The following SAMD9 variants were observed in gnomAD, a reference collection of about 807,000 sequenced individuals.
SAMD9 encodes sterile alpha motif domain-containing protein 9.
In SAMD9, 3 loss-of-function variants were observed where a neutral mutation model predicts 1.5. The ratio of observed to expected loss-of-function variants is 2.05; its 90% CI spans 0.93 to 5.29. The LOEUF (loss-of-function observed/expected upper bound fraction) is 5.29, where lower values mean the gene tolerates loss of function less well. Ranked by LOEUF, SAMD9 falls within the 30% of genes most tolerant of loss-of-function variation. The pLI is 0.02. For missense variants in SAMD9, 1,597 were observed against 1,820.8 expected (o/e 0.88, Z 2.24); for synonymous variants, 635 against 631.9 (o/e 1.00, Z -0.07).
chr7:93,106,692 A>C (rs979340989), intron 2 of SAMD9, among the ~76,000 whole-genome samples: 1 of 152,220 alleles, frequency 6.6e-6, no homozygotes, highest in Non-Finnish European at 1.5e-5. Context: ...ATTTGGTGAC[A>C]CCCATTCTAA....
At chr7:93,110,575 G>T (rs1043837021) in intron 2 of SAMD9, among the ~76,000 whole-genome samples, 52 of 152,222 alleles carry the variant, frequency 3.4e-4, no homozygotes, top group African/African-American at 1.2e-3. Context: ...CATGTGCAGA[G>T]ACACACACAG....
At chr7:93,106,191 C>G (rs746665325) in intron 2 of SAMD9, 86 bp from the exon 3 acceptor site, 24 of 877,864 alleles carry the variant, frequency 2.7e-5, no homozygotes, top group Non-Finnish European at 3.7e-5. Context: ...ACATAATTTT[C>G]AAAATTTAAA....
chr7:93,116,598 G>A (rs1365083002), intron 1 of SAMD9, among the ~76,000 whole-genome samples: 1 of 152,086 alleles, frequency 6.6e-6, no homozygotes, highest in Non-Finnish European at 1.5e-5. Context: ...ACTGTTCATA[G>A]ATATTTTACA....
Position 93,105,214 on chromosome 7 carries a change from G to A in SAMD9, c.884C>T (p.Pro295Leu), listed in dbSNP as rs1397239193. 1 of 1,613,682 alleles carries A rather than the reference G, an allele frequency of 6.2e-7. No individual in the cohort carries two copies. Among genetic ancestry groups the A allele is most frequent in the Non-Finnish European group, 8.5e-7 (1 of 1,179,936 alleles). ...REPRFVEVLL[P>L]NSTLSDRFVI... is the part of the protein sequence containing the mutation. ...AAATCTGTCAGATAGAGTACTATTTGGCAGTAAAACTTCCACAAATCTTGG... is the reference window on the plus strand; with the variant it reads ...AAATCTGTCAGATAGAGTACTATTTAGCAGTAAAACTTCCACAAATCTTGG... Residue 295 changes from proline to leucine, a missense_variant, in exon 3 of 3, where the codon CCA (proline) becomes CTA (leucine). Physicochemically the swap from Pro to Leu is moderately conservative, Grantham distance 98. Transcript: ENST00000379958.
At position 93,102,573 on chromosome 7, in the gene SAMD9, A is replaced by C. The variant is rs751811624; in HGVS notation, c.3525T>G (p.Tyr1175Ter). ...TCGGATACAATCTTTCCTTCACTTCATACTCTCTATCTTCACTTTGCTGTT... is the reference window on the plus strand; with the variant it reads ...TCGGATACAATCTTTCCTTCACTTCCTACTCTCTATCTTCACTTTGCTGTT... ...ESQQQSEDRE[Y>*]EVKERLYPKS... is the part of the protein sequence containing the mutation. The change falls in exon 3 of 3, where the codon TAT becomes TAG. Residue 1175 changes from tyrosine to a stop codon, truncating the protein, a stop_gained. Transcript: ENST00000379958. LOFTEE classifies it low-confidence loss of function (END_TRUNC). 6.8e-6 allele frequency: 11 copies of C among 1,613,802 alleles called. No homozygotes were observed. In the Admixed American group the frequency reaches 1.8e-4, roughly 27 times the overall value.
At chr7:93,112,987 C>T (rs1423820544) in intron 2 of SAMD9, among the ~76,000 whole-genome samples, 4 of 152,286 alleles carry the variant, frequency 2.6e-5, no homozygotes, top group East Asian at 1.9e-4. Flanking sequence ...AAAGAGCCCG[C>T]GTTGCCAAGT....
Position 93,104,326 on chromosome 7 carries a change from T to G in SAMD9, c.1772A>C (p.Glu591Ala). The change falls in exon 3 of 3, where the codon GAA (glutamate) becomes GCA (alanine). Residue 591 changes from glutamate (E) to alanine (A), a missense_variant. This residue lies in a region of SAMD9 where 358 missense variants were observed against 460.4 expected (regional missense o/e 0.78). Transcript: ENST00000379958. ...HIFQGWKDLL[E>A]ARLIKHQDEI... ...ATCTTGGTGTTTTATTAATCTTGCT[T>G]CAAGTAGATCTTTCCATCCCTGAAA... is the stretch of plus-strand genomic sequence containing the variant. 1 of 1,613,768 alleles carries G rather than the reference T, an allele frequency of 6.2e-7. No individual in the cohort carries two copies. The highest frequency in any genetic ancestry group is 8.5e-7 in the Non-Finnish European group (1 of 1,179,806).
chr7:93,104,025 C>T lies in SAMD9; in HGVS notation c.2073G>A (p.Trp691Ter), dbSNP rs764448205. Residue 691 changes from tryptophan to a stop codon, truncating the protein, a stop_gained, in exon 3 of 3, where the codon TGG (tryptophan) becomes TGA (stop). Transcript: ENST00000379958. LOFTEE classifies it low-confidence loss of function (END_TRUNC). ...EDFYRGGKVS[W>*]WNFYFSSESY... ...TTTCAGAAGAGAAGTAGAAGTTCCACCATGACACTTTGCCACCTCGATAGA... is the reference window on the plus strand; with the variant it reads ...TTTCAGAAGAGAAGTAGAAGTTCCATCATGACACTTTGCCACCTCGATAGA... 2.4e-5 allele frequency: 38 copies of T among 1,613,814 alleles called. No homozygotes were observed. The highest frequency in any genetic ancestry group is 6.7e-5 in the Admixed American group (4 of 59,996).
Position 93,102,718 on chromosome 7 carries a change from T to C in SAMD9, c.3380A>G (p.Tyr1127Cys). ...SYISDTLGQV[Y>C]KSKIRWWIEE... Reference sequence around the variant, plus strand: ...TATCCACCATCTTATTTTACTTTTGTAGACTTGACCCAGTGTATCTGAGAT... The same window carrying C: ...TATCCACCATCTTATTTTACTTTTGCAGACTTGACCCAGTGTATCTGAGAT... The change falls in exon 3 of 3, where the codon TAC becomes TGC. Residue 1127 changes from tyrosine to cysteine, a missense_variant. Coordinates refer to ENST00000379958, the MANE Select transcript of SAMD9 (RefSeq NM_017654.4). 1 of 1,613,892 alleles carries C rather than the reference T, an allele frequency of 6.2e-7. No homozygotes were observed. The highest frequency in any genetic ancestry group is 1.1e-5 in the South Asian group (1 of 91,084).
chr7:93,115,528 G>C (rs1360635092), intron 1 of SAMD9, among the ~76,000 whole-genome samples: 19 of 152,112 alleles, frequency 1.2e-4, no homozygotes, highest in South Asian at 2.1e-4. Context: ...ACTGATGTTG[G>C]GGGGTGGATA....
At position 93,106,029 on chromosome 7, in the gene SAMD9, T is replaced by C. The variant is rs551117136; in HGVS notation, c.69A>G (p.Leu23=). The C allele has an allele frequency of 6.3e-7, 1 of 1,591,232 alleles. No individual in the cohort carries two copies. Among genetic ancestry groups the C allele is most frequent in the Non-Finnish European group, 8.5e-7 (1 of 1,173,198 alleles). ...DWTKEDVNQW[L]ESHKIDQKHR... ...GTTTTTGGTCAATCTTATGACTTTCTAACCACTGATTTACATCCTCTTTTG... is the reference window on the plus strand; with the variant it reads ...GTTTTTGGTCAATCTTATGACTTTCCAACCACTGATTTACATCCTCTTTTG... The change falls in exon 3 of 3, where the codon TTA becomes TTG. Residue 23 remains leucine, a synonymous_variant. Transcript: ENST00000379958.
rs1347417719 is a variant in SAMD9, at chr7:93,114,779, A to G, written c.-9+16T>C. 6.6e-6 allele frequency: 1 copy of G among 152,220 alleles called. No homozygotes were observed. Among genetic ancestry groups the G allele is most frequent in the African/African-American group, 2.4e-5 (1 of 41,452 alleles). The allele number at this position is 152,220 out of a possible 1,614,324, so 9.4% of individuals were successfully genotyped here. Reference sequence around the variant, plus strand: ...ACTGAGATTAATTGAGCAAATTCTTAAAAAATATAGCTTACCAAACTGACT... The same window carrying G: ...ACTGAGATTAATTGAGCAAATTCTTGAAAAATATAGCTTACCAAACTGACT... On this transcript the variant is annotated intron_variant, in intron 2 of 2. Transcript: ENST00000379958.
Position 93,105,456 on chromosome 7 carries a change from T to C in SAMD9, c.642A>G (p.Lys214=). The change falls in exon 3 of 3, where the codon AAA becomes AAG. Residue 214 remains lysine, a synonymous_variant. Transcript: ENST00000379958. The part of the protein sequence containing the change: ...ATATEEDVKM[K]FSNEVFRFAS... ...CAAATCGGAAAACCTCATTGCTAAA[T>C]TTCATCTTGACATCCTCTTCTGTGG... is the stretch of plus-strand genomic sequence containing the variant. 1 of 1,614,102 alleles carries C rather than the reference T, an allele frequency of 6.2e-7. No individual in the cohort carries two copies.
At position 93,101,032 on chromosome 7, in the gene SAMD9, G is replaced by T. The variant is rs1238071993; in HGVS notation, c.*296C>A. 2.5e-6 allele frequency: 1 copy of T among 407,678 alleles called. No individual in the cohort carries two copies. Among genetic ancestry groups the T allele is most frequent in the Non-Finnish European group, 4.5e-6 (1 of 222,912 alleles). The allele number at this position is 407,678 out of a possible 1,614,324, so 25.3% of individuals were successfully genotyped here. A position where few individuals can be genotyped will look rare whatever the true frequency, so the allele number is the denominator to read the frequency against. ...TAAGTAGTGGGGTTCTGTGTAGCCA[G>T]CTTATTACACTAACTTCTCCTGACT... On this transcript the variant is annotated 3_prime_UTR_variant, in exon 3 of 3. Coordinates refer to ENST00000379958, the MANE Select transcript of SAMD9 (RefSeq NM_017654.4).
rs1418941852 is a variant in SAMD9 at position 93,105,422 on chromosome 7, A to G, written c.676T>C (p.Cys226Arg). ...SNEVFRFASA[C>R]MNSRTNGTIH... ...GTGCCATTGGTACGTGAATTCATAC[A>G]AGCTGAAGCAAATCGGAAAACCTCA... Residue 226 changes from cysteine to arginine, a missense_variant, in exon 3 of 3, where the codon TGT becomes CGT. Physicochemically the swap from Cys to Arg is radical, Grantham distance 180. Around this residue, in one of 6 missense-constraint regions of SAMD9, gnomAD observed 498 missense variants for 457.4 expected, o/e 1.09. Coordinates refer to ENST00000379958, the MANE Select transcript of SAMD9 (RefSeq NM_017654.4). 6.2e-7 allele frequency: 1 copy of G among 1,613,936 alleles called. No individual in the cohort carries two copies. The highest frequency in any genetic ancestry group is 1.3e-5 in the African/African-American group (1 of 74,906).
intron 1 of SAMD9, among the ~76,000 whole-genome samples, chr7:93,116,773 C>T (rs1260379787): frequency 6.6e-6 from 1 of 152,014 alleles, no homozygotes; most frequent in Non-Finnish European, 1.5e-5. Flanking sequence ...AAATTAGTAC[C>T]TAAAATTACT....
At chr7:93,111,107 T>A (rs1430089274) in intron 2 of SAMD9, among the ~76,000 whole-genome samples, 1 of 152,132 alleles carries the variant, frequency 6.6e-6, no homozygotes, top group Non-Finnish European at 1.5e-5. Context: ...ACAAACTGTC[T>A]CTCAGACCAC....
In SAMD9 at chr7:93,105,026, C is replaced by A; in HGVS notation, c.1072G>T (p.Asp358Tyr). Residue 358 changes from aspartate (D) to tyrosine (Y), a missense_variant, in exon 3 of 3, where the codon GAT (aspartate) becomes TAT (tyrosine). Physicochemically the swap from Asp to Tyr is radical, Grantham distance 160. Around this residue, in one of 6 missense-constraint regions of SAMD9, gnomAD observed 498 missense variants for 457.4 expected, o/e 1.09. Coordinates refer to ENST00000379958, the MANE Select transcript of SAMD9 (RefSeq NM_017654.4). ...SSKDITKNKV[D>Y]FRAFKADFKT... ...AAATCTGCTTTAAATGCTCTGAAATCAACTTTATTTTTCGTAATGTCCTTA... is the reference window on the plus strand; with the variant it reads ...AAATCTGCTTTAAATGCTCTGAAATAAACTTTATTTTTCGTAATGTCCTTA... The A allele has an allele frequency of 6.2e-7, 1 of 1,613,838 alleles. No individual in the cohort carries two copies. The highest frequency in any genetic ancestry group is 1.1e-5 in the South Asian group (1 of 91,054).
At chr7:93,115,316 T>C (rs186050970) in intron 1 of SAMD9, among the ~76,000 whole-genome samples, 1 of 152,318 alleles carries the variant, frequency 6.6e-6, no homozygotes, top group East Asian at 1.9e-4. Flanking sequence ...CAAGAAACTA[T>C]CAGTTTTTGT....
Sources: gnomAD v4.1 joint callset for allele counts (sites outside exome capture counted in the v4.1 genomes callset) on GRCh38, gnomAD v4.1.1 for gene constraint, gnomAD v4.1.1 regional missense constraint, MANE v1.5 for transcripts, NCBI Gene and HGNC (gene_info 2026-07-23, HGNC 2026-07-21) for gene names.